The following TNK2 variants were observed in gnomAD, a reference collection of about 807,000 sequenced individuals.
TNK2 encodes the protein tyrosine kinase non receptor 2.
TNK2 carries 83 observed loss-of-function variants against 101.8 expected under a neutral mutation model. The ratio of observed to expected loss-of-function variants is 0.82; its 90% CI spans 0.68 to 0.98. TNK2 has a LOEUF of 0.98. Among genes scored for constraint, TNK2 ranks in the 50% least tolerant of loss-of-function variants. The pLI is 0.00. For missense variants in TNK2, 1,665 were observed against 1,483.2 expected (o/e 1.12, Z -2.01); for synonymous variants, 804 against 633.0 (o/e 1.27, Z -4.06).
intron 2 of TNK2, 111 bp from the exon 3 acceptor site, chr3:195,887,158 T>A (rs920734189): frequency 1.1e-5 from 11 of 1,042,484 alleles, no homozygotes; most frequent in Non-Finnish European, 7.2e-6. Context: ...GCCCACCCGA[T>A]GATAGCAATG....
intron 1 of TNK2, among the ~76,000 whole-genome samples, chr3:195,907,279 G>T (rs1373262016): frequency 6.6e-6 from 1 of 152,258 alleles, no homozygotes; most frequent in Non-Finnish European, 1.5e-5. Flanking sequence ...CAGCGCGACA[G>T]GCATGGGATG....
chr3:195,887,182 C>CTTTTTTTAATGA, intron 2 of TNK2, 135 bp from the exon 3 acceptor site: 1 of 832,066 alleles, frequency 1.2e-6, no homozygotes, highest in Non-Finnish European at 1.9e-6. Flanking sequence ...TCAACCCCAA[C>CTTTTTTTAATGA]TAACCCGGAG....
chr3:195,893,492 T>C (rs1759414707), intron 1 of TNK2, among the ~76,000 whole-genome samples: 1 of 152,082 alleles, frequency 6.6e-6, no homozygotes, highest in African/African-American at 2.4e-5. Context: ...AGCTGTAGGA[T>C]GTCTCCTGTA....
In TNK2 at chr3:195,872,763, T is replaced by C. The variant is rs1015401478; in HGVS notation, c.1257-293A>G. 12 of 386,206 alleles carry C rather than the reference T, an allele frequency of 3.1e-5. No homozygotes were observed. In the Middle Eastern group the frequency reaches 2.0e-3, roughly 65 times the overall value. 23.9% of individuals were successfully genotyped at this position (386,206 alleles called of 1,614,324 possible). The stretch of plus-strand genomic sequence containing the variant: ...CTGCTGCAGCAGGCAACATGACCTG[T>C]CCACGGTTACCAGAAAGATCCCAGC... On this transcript the variant is annotated intron_variant, in intron 9 of 15. Transcript: ENST00000672887.
At chr3:195,895,663 C>A in intron 1 of TNK2, 1 of 1,208,062 alleles carries the variant, frequency 8.3e-7, no homozygotes, top group Non-Finnish European at 1.1e-6. Context: ...CGGAACCGGG[C>A]TCCACTCAGC....
chr3:195,900,337 C>T (rs930963691), intron 1 of TNK2, among the ~76,000 whole-genome samples: 18 of 151,932 alleles, frequency 1.2e-4, no homozygotes, highest in African/African-American at 3.4e-4. Context: ...TGCTATGCCT[C>T]GTCCCCTCCA....
rs1283857874 is a variant in TNK2, at chr3:195,869,503, TGAA to T, written c.1579_1581del (p.Phe527del). On this transcript the variant is annotated inframe_deletion, in exon 12 of 16. Coordinates refer to ENST00000672887, the MANE Select transcript of TNK2 (RefSeq NM_001382273.1). ...CGGAAGCAGCCCCACTTACTCTGAG[TGAA>T]GAAGGCAGGCTGAGGTGGGCGAGGT... 6.5e-7 allele frequency: 1 copy of T among 1,549,796 alleles called. No individual in the cohort carries two copies. The highest frequency in any genetic ancestry group is 8.7e-7 in the Non-Finnish European group (1 of 1,146,720).
chr3:195,882,203 G>A lies in TNK2; in HGVS notation c.735C>T (p.Ser245=), dbSNP rs372921893. ...CCAGGTCACGGTGAATAAAGCGCTT[G>A]GACTCCAGGTAGCCCATGCCCTCAG... ...QVAEGMGYLE[S]KRFIHRDLAA... is the part of the protein sequence containing the mutation. The change falls in exon 6 of 16, where the codon TCC becomes TCT. Residue 245 remains serine (S), a synonymous_variant. Coordinates refer to ENST00000672887, the MANE Select transcript of TNK2 (RefSeq NM_001382273.1). This position sits in a 1 kb window ranked among gnomAD's most constrained non-coding sequence, Gnocchi z 4.2. 6.2e-7 allele frequency: 1 copy of A among 1,613,780 alleles called. No individual in the cohort carries two copies. Among genetic ancestry groups the A allele is most frequent in the African/African-American group, 1.3e-5 (1 of 74,920 alleles).
intron 12 of TNK2, 119 bp from the exon 13 acceptor site, chr3:195,868,828 C>G (rs974043189): frequency 1.6e-6 from 2 of 1,258,244 alleles, no homozygotes; most frequent in South Asian, 1.6e-5. Context: ...CTCCCAACTC[C>G]CCCCGAGGTC....
chr3:195,873,370 C>T (rs946538440), intron 9 of TNK2, among the ~76,000 whole-genome samples: 14 of 152,222 alleles, frequency 9.2e-5, no homozygotes, highest in African/African-American at 3.4e-4. Flanking sequence ...GAGGCTCCCG[C>T]GTCTGCTGCT....
In TNK2 at chr3:195,882,951, C is replaced by G. The variant is rs920285592; in HGVS notation, c.609+206G>C. 6.6e-6 allele frequency among the ~76,000 whole-genome samples: 1 copy of G among 152,178 alleles called. No homozygotes were observed. The highest frequency in any genetic ancestry group is 2.4e-5 in the African/African-American group (1 of 41,432). On this transcript the variant is annotated intron_variant, in intron 5 of 15. Transcript: ENST00000672887. This position sits in a 1 kb window ranked among gnomAD's most constrained non-coding sequence, Gnocchi z 4.2. ...TAACTCTCTTGACACTGAGCACCAG[C>G]AAAATCCAGAGACAGACCCGGACTG... is the stretch of plus-strand genomic sequence containing the variant.
rs200135214 is a variant in TNK2 at position 195,868,598 on chromosome 3, G to A, written c.1700C>T (p.Ser567Leu). The A allele has an allele frequency of 6.8e-5, 107 of 1,579,560 alleles. No individual in the cohort carries two copies. Among genetic ancestry groups the A allele is most frequent in the Non-Finnish European group, 6.2e-5 (73 of 1,172,026 alleles). ...GGCCTTGGTGCCCGGCACCCGCGCC[G>A]AGGGCTTCGCCAGCCACAGCCCTCG... ...LPRGLWLAKP[S>L]ARVPGTKASR... Residue 567 changes from serine (S) to leucine (L), a missense_variant, in exon 13 of 16, where the codon TCG becomes TTG. Transcript: ENST00000672887.
intron 1 of TNK2, among the ~76,000 whole-genome samples, chr3:195,890,457 T>G (rs959246755): frequency 2.9e-5 from 4 of 136,554 alleles, no homozygotes; most frequent in Admixed American, 2.9e-4. Flanking sequence ...TTTTTTGGTT[T>G]TTTTTTTTTT....
chr3:195,901,562 T>C (rs1488009858), intron 1 of TNK2, among the ~76,000 whole-genome samples: 1 of 152,002 alleles, frequency 6.6e-6, no homozygotes, highest in Non-Finnish European at 1.5e-5. Flanking sequence ...CTCCCTCCCC[T>C]CTCACCTTCC....
intron 9 of TNK2, among the ~76,000 whole-genome samples, chr3:195,873,813 CGGCGGGGA>C (rs1455592100): frequency 6.7e-6 from 1 of 148,314 alleles, no homozygotes; most frequent in East Asian, 2.2e-4. Flanking sequence ...GCACCACGGT[CGGCGGGGA>C]GGCGGGGGGC....
rs539833743 is a variant in TNK2 at position 195,878,901 on chromosome 3, G to A, written c.1014+148C>T. ...CGGGGCGTGAGAGGAGACACGGGGC[G>A]TGGTGGGAGGCACGGGAAGTGGGGG... On this transcript the variant is annotated intron_variant, in intron 7 of 15. Transcript: ENST00000672887. The surrounding 1 kb of genome is among the most constrained non-coding windows in gnomAD (Gnocchi z 4.7). The A allele has an allele frequency of 2.5e-3, 3,278 of 1,291,298 alleles. 6 individuals carry two copies. Among genetic ancestry groups the A allele is most frequent in the Non-Finnish European group, 3.1e-3 (2,927 of 930,092 alleles). 80.0% of individuals were successfully genotyped at this position (1,291,298 alleles called of 1,614,324 possible).
chr3:195,903,503 G>A (rs113021491), intron 1 of TNK2, among the ~76,000 whole-genome samples: 2,917 of 152,226 alleles, frequency 0.019, 44 homozygotes, highest in Non-Finnish European at 0.029. Context: ...GGTCACCTGA[G>A]GTCAGGAGTT....
rs945163708 is a variant in TNK2 at position 195,867,157 on chromosome 3, A to T, written c.3033+12T>A. On this transcript the variant is annotated intron_variant, in intron 14 of 15. Transcript: ENST00000672887. Reference sequence around the variant, plus strand: ...GTCCCTGAGAGCCAGAGTGAGCAGGAGGTGGCGGTACCTTCAGATACTGGG... The same window carrying T: ...GTCCCTGAGAGCCAGAGTGAGCAGGTGGTGGCGGTACCTTCAGATACTGGG... 5 of 1,612,278 alleles carry T rather than the reference A, an allele frequency of 3.1e-6. No individual in the cohort carries two copies. The highest frequency in any genetic ancestry group is 4.2e-6 in the Non-Finnish European group (5 of 1,179,664).
chr3:195,872,805 G>C lies in TNK2; in HGVS notation c.1257-335C>G, dbSNP rs189108222. 1,034 of 268,326 alleles carry C rather than the reference G, an allele frequency of 3.9e-3. 3 individuals carry two copies. Among genetic ancestry groups the C allele is most frequent in the Non-Finnish European group, 4.1e-3 (581 of 141,338 alleles). The allele number at this position is 268,326 out of a possible 1,614,324, so 16.6% of individuals were successfully genotyped here. A position where few individuals can be genotyped will look rare whatever the true frequency, so the allele number is the denominator to read the frequency against. ...GATCCCAGCAGACCTGGGACCCAAC[G>C]CCAGCTTTCAGGTCTGTGGGGCCAG... is the stretch of plus-strand genomic sequence containing the variant. On this transcript the variant is annotated intron_variant, in intron 9 of 15. Coordinates refer to ENST00000672887, the MANE Select transcript of TNK2 (RefSeq NM_001382273.1).
Sources: allele counts gnomAD v4.1 joint callset (sites outside exome capture counted in the v4.1 genomes callset), GRCh38; gene constraint gnomAD v4.1.1; non-coding constraint Gnocchi (gnomAD v3.1); transcripts MANE v1.5; gene names NCBI Gene and HGNC (gene_info 2026-07-23, HGNC 2026-07-21).